Variants in XKR9 observed in about 807,000 individuals in gnomAD.
The protein encoded by XKR9 is XK related 9.
XKR9 carries 32 observed loss-of-function variants against 32.0 expected under a neutral mutation model. That is an observed-to-expected ratio of 1.00 (90% CI 0.76 to 1.34). The LOEUF is 1.34. Ranked by LOEUF, XKR9 falls within the 40% of genes most tolerant of loss-of-function variation. XKR9 has a pLI of 0.00. For missense variants in XKR9, 546 were observed against 429.7 expected, an observed-to-expected ratio of 1.27 and a Z score of -2.39; for synonymous variants, 168 against 143.4, an observed-to-expected ratio of 1.17 and a Z score of -1.22.
At chr8:70,912,212 A>G in the XKR9 span, among the ~76,000 whole-genome samples, 2 of 152,158 alleles carry the variant, frequency 1.3e-5, no homozygotes, top group African/African-American at 2.4e-5. Flanking sequence ...TGTTTGCTGT[A>G]ATTAGAAGTT....
the XKR9 span, among the ~76,000 whole-genome samples, chr8:70,963,066 C>A: frequency 2.6e-5 from 4 of 152,088 alleles, no homozygotes; most frequent in Non-Finnish European, 4.4e-5. Context: ...ACAGATCAAC[C>A]CATCACCCAG....
At chr8:70,905,900 C>A in the XKR9 span, among the ~76,000 whole-genome samples, 1 of 152,224 alleles carries the variant, frequency 6.6e-6, no homozygotes, top group Admixed American at 6.5e-5. Flanking sequence ...CCACTCCAGA[C>A]CCTGTTTGCC....
At chr8:70,741,737 G>C (rs1222285292) in intron 2 of XKR9, among the ~76,000 whole-genome samples, 2 of 152,164 alleles carry the variant, frequency 1.3e-5, no homozygotes, top group African/African-American at 4.8e-5. Flanking sequence ...ATACTTCTTT[G>C]AGATTCTGCT....
At chr8:70,942,173 C>T in the XKR9 span, among the ~76,000 whole-genome samples, 1 of 152,134 alleles carries the variant, frequency 6.6e-6, no homozygotes, top group Non-Finnish European at 1.5e-5. Context: ...AAGAAATTGT[C>T]ACTAGCAAGC....
chr8:70,725,302 G>T (rs778162661), intron 4 of XKR9, among the ~76,000 whole-genome samples: 23 of 152,154 alleles, frequency 1.5e-4, no homozygotes, highest in Non-Finnish European at 2.6e-4. Context: ...TTGTGATGTT[G>T]CTCTTTTGGG....
chr8:70,964,656 G>A, the XKR9 span, among the ~76,000 whole-genome samples: 83,197 of 151,784 alleles, frequency 0.55, 23,711 homozygotes, highest in Middle Eastern at 0.62. Flanking sequence ...TTCTCCTTGA[G>A]GAGTTCCTTC....
At chr8:70,787,002 C>G (rs889352888) in intron 2 of XKR9, among the ~76,000 whole-genome samples, 11 of 152,080 alleles carry the variant, frequency 7.2e-5, no homozygotes, top group African/African-American at 2.7e-4. Context: ...CTCAGGTAGA[C>G]TCTTGGAACG....
chr8:70,806,494 C>A, the XKR9 span, among the ~76,000 whole-genome samples: 3 of 152,224 alleles, frequency 2.0e-5, no homozygotes, highest in East Asian at 5.8e-4. Flanking sequence ...AAGTTCTAAC[C>A]CAATGCAAAG....
chr8:70,786,837 T>C (rs1266428765), intron 2 of XKR9, among the ~76,000 whole-genome samples: 2 of 152,134 alleles, frequency 1.3e-5, no homozygotes, highest in East Asian at 1.9e-4. Flanking sequence ...TGGATATACA[T>C]TTGTTCTTTC....
chr8:70,871,136 T>A, the XKR9 span, among the ~76,000 whole-genome samples: 94 of 152,318 alleles, frequency 6.2e-4, 1 homozygote, highest in South Asian at 0.011. Context: ...AACTCAGATG[T>A]TGCATAATGA....
At chr8:70,866,632 T>A in the XKR9 span, among the ~76,000 whole-genome samples, 1 of 152,090 alleles carries the variant, frequency 6.6e-6, no homozygotes, top group Non-Finnish European at 1.5e-5. Flanking sequence ...GACAGTCTAG[T>A]GCCACCATGC....
the XKR9 span, among the ~76,000 whole-genome samples, chr8:70,873,890 A>G: frequency 5.3e-5 from 8 of 152,214 alleles, no homozygotes; most frequent in Non-Finnish European, 1.0e-4. Context: ...GAGTCAATCA[A>G]TGTGGCCAAC....
the XKR9 span, among the ~76,000 whole-genome samples, chr8:71,006,146 G>A: frequency 6.6e-6 from 1 of 152,228 alleles, no homozygotes; most frequent in Admixed American, 6.5e-5. Context: ...AAGTTAAATG[G>A]CTGGGAATTG....
chr8:70,989,898 C>A, the XKR9 span, among the ~76,000 whole-genome samples: 1 of 152,148 alleles, frequency 6.6e-6, no homozygotes, highest in Non-Finnish European at 1.5e-5. Flanking sequence ...TATGAATCTG[C>A]CTACTGTAGA....
chr8:71,054,236 C>T, the XKR9 span, among the ~76,000 whole-genome samples: 1 of 152,144 alleles, frequency 6.6e-6, no homozygotes, highest in East Asian at 1.9e-4. Flanking sequence ...TTTCCCAGTC[C>T]ATACTAGTCT....
chr8:71,012,302 G>C, the XKR9 span, among the ~76,000 whole-genome samples: 3 of 152,174 alleles, frequency 2.0e-5, no homozygotes, highest in Non-Finnish European at 4.4e-5. Flanking sequence ...ATGGGTAAGA[G>C]GGTGAGCAGA....
chr8:70,883,170 C>T, the XKR9 span, among the ~76,000 whole-genome samples: 1 of 151,498 alleles, frequency 6.6e-6, no homozygotes, highest in East Asian at 1.9e-4. Context: ...TATTTTATCA[C>T]TCTATATGTC....
the XKR9 span, among the ~76,000 whole-genome samples, chr8:70,889,700 C>T: frequency 6.6e-6 from 1 of 151,704 alleles, no homozygotes. Context: ...CATGCATTTG[C>T]TTAGGATAGT....
chr8:70,755,311 G>A (rs1480854888), intron 2 of XKR9, among the ~76,000 whole-genome samples: 1 of 152,146 alleles, frequency 6.6e-6, no homozygotes, highest in Non-Finnish European at 1.5e-5. Context: ...ACTGTTGCTG[G>A]GACTGTAAAC....
Sources: gnomAD v4.1 joint callset for allele counts (sites outside exome capture counted in the v4.1 genomes callset) on GRCh38, gnomAD v4.1.1 for gene constraint, MANE v1.5 for transcripts, NCBI Gene and HGNC (gene_info 2026-07-23, HGNC 2026-07-21) for gene names.